Variants in ZNF493 observed in about 807,000 individuals in gnomAD.
ZNF493 encodes the protein zinc finger protein 493.
ZNF493 carries 11 observed loss-of-function variants against 12.2 expected under a neutral mutation model. The ratio of observed to expected loss-of-function variants is 0.90; its 90% CI spans 0.57 to 1.50. The LOEUF is 1.50. ZNF493 is among the 40% of genes most tolerant of loss of function. ZNF493 has a pLI of 0.00. For missense variants in ZNF493, 950 were observed against 906.6 expected, an observed-to-expected ratio of 1.05 and a Z score of -0.61; for synonymous variants, 286 against 302.6, an observed-to-expected ratio of 0.95 and a Z score of 0.57.
chr19:21,414,979 A>G (rs2030436420), intron 3 of ZNF493, among the ~76,000 whole-genome samples: 1 of 152,188 alleles, frequency 6.6e-6, no homozygotes, highest in Admixed American at 6.5e-5. Context: ...AGCTTGCTGT[A>G]TTTGTACCTT....
chr19:21,405,768 T>C lies in ZNF493; in HGVS notation c.165T>C (p.Ala55=). The change falls in exon 3 of 4, where the codon GCT becomes GCC. Residue 55 remains alanine (A), a synonymous_variant. Transcript: ENST00000392288. The part of the protein sequence containing the change: ...NYRNLVFLGI[A]VSKPDLVTCL... ...TTATTTTTAATAAAGCAGGTATTGC[T>C]GTCTCTAAGCCAGATCTGGTCACCT... is the stretch of plus-strand genomic sequence containing the variant. 6.2e-7 allele frequency: 1 copy of C among 1,610,528 alleles called. No homozygotes were observed. The highest frequency in any genetic ancestry group is 8.5e-7 in the Non-Finnish European group (1 of 1,178,688).
intron 3 of ZNF493, among the ~76,000 whole-genome samples, chr19:21,418,748 T>C (rs1005255676): frequency 1.3e-5 from 2 of 152,160 alleles, no homozygotes; most frequent in Non-Finnish European, 2.9e-5. Context: ...GTATCCCTTA[T>C]GGGAAACGAA....
At chr19:21,406,723 G>A (rs2030142697) in intron 3 of ZNF493, among the ~76,000 whole-genome samples, 1 of 151,616 alleles carries the variant, frequency 6.6e-6, no homozygotes, top group African/African-American at 2.4e-5. Flanking sequence ...AAAGTATGAT[G>A]TCCCTCTGCT....
intron 1 of ZNF493, among the ~76,000 whole-genome samples, 172 bp from the exon 2 acceptor site, chr19:21,404,957 G>A (rs2030065344): frequency 6.6e-6 from 1 of 150,750 alleles, no homozygotes; most frequent in South Asian, 2.1e-4. Flanking sequence ...CTCAGAGTTA[G>A]AGAATACATT....
chr19:21,413,163 A>C, intron 3 of ZNF493: 7 of 306,822 alleles, frequency 2.3e-5, no homozygotes, highest in East Asian at 1.1e-4. Flanking sequence ...TTTCTAAAGA[A>C]GTACATTCAT....
At chr19:21,401,876 C>A (rs898661123) in intron 1 of ZNF493, among the ~76,000 whole-genome samples, 1 of 152,030 alleles carries the variant, frequency 6.6e-6, no homozygotes, top group Non-Finnish European at 1.5e-5. Flanking sequence ...GTGATCCACT[C>A]GCCTCGGCCT....
intron 3 of ZNF493, chr19:21,408,600 A>C (rs560755234): frequency 2.0e-6 from 2 of 985,078 alleles, no homozygotes; most frequent in East Asian, 2.3e-4. Flanking sequence ...TGGTATATTA[A>C]TGTTGCATAC....
rs1363686218 is a variant in ZNF493, at chr19:21,397,136, G to GT, written c.-99dup. On this transcript the variant is annotated 5_prime_UTR_variant, in exon 1 of 4. Coordinates refer to ENST00000392288, the MANE Select transcript of ZNF493 (RefSeq NM_001076678.3). ...GCTTCCGGGATGTGGCTGGGCCATT[G>GT]TTTCTCTCTGCTGCCGGAGCTCCAG... 10 of 1,389,640 alleles carry GT rather than the reference G, an allele frequency of 7.2e-6. No homozygotes were observed. The East Asian group carries it at 1.4e-4, about 19-fold the overall frequency. The allele number at this position is 1,389,640 out of a possible 1,614,324, so 86.1% of individuals were successfully genotyped here.
Position 21,424,511 on chromosome 19 carries a change from A to T in ZNF493, c.1852A>T (p.Ile618Leu). ...KAFNRSSILS[I>L]HKKIHTGEKP... ...TTTTAACCGATCTTCAATCCTTAGT[A>T]TACATAAGAAAATTCATACTGGAGA... The change falls in exon 4 of 4, where the codon ATA (isoleucine) becomes TTA (leucine). Residue 618 changes from isoleucine (I) to leucine (L), a missense_variant. Transcript: ENST00000392288. The T allele has an allele frequency of 1.2e-6, 2 of 1,613,514 alleles. No individual in the cohort carries two copies. Among genetic ancestry groups the T allele is most frequent in the Non-Finnish European group, 1.7e-6 (2 of 1,179,754 alleles).
Position 21,422,420 on chromosome 19 carries a change from CTTCTTTATTTATTTAT to C in ZNF493, c.254-490_254-475del, listed in dbSNP as rs2030704963. 4.6e-5 allele frequency among the ~76,000 whole-genome samples: 5 copies of C among 108,184 alleles called. No homozygotes were observed. In the South Asian group the frequency reaches 1.6e-3, roughly 35 times the overall value. 71.0% of individuals were successfully genotyped at this position (108,184 alleles called of 152,430 possible). ...AACAAAATCAAAAGTTGGCAAGTTA[CTTCTTTATTTATTTAT>C]TTATTTATTTATTTATTTATTTATT... On this transcript the variant is annotated intron_variant, in intron 3 of 3. Transcript: ENST00000392288.
chr19:21,410,731 A>G (rs974506940), intron 3 of ZNF493, among the ~76,000 whole-genome samples: 1 of 151,916 alleles, frequency 6.6e-6, no homozygotes, highest in Non-Finnish European at 1.5e-5. Flanking sequence ...GCCAAGACTC[A>G]TATTATTTCT....
chr19:21,405,040 C>T, intron 1 of ZNF493, 89 bp from the exon 2 acceptor site: 5 of 1,520,344 alleles, frequency 3.3e-6, no homozygotes, highest in African/African-American at 1.4e-5. Flanking sequence ...ATTTTCTTTA[C>T]TTTCTCATTT....
intron 3 of ZNF493, chr19:21,413,618 T>C: frequency 2.4e-6 from 1 of 415,702 alleles, no homozygotes; most frequent in Non-Finnish European, 4.2e-6. Context: ...CAGAATCTCT[T>C]CCTCAGCATC....
In ZNF493 at chr19:21,425,214, A is replaced by C. The variant is rs532868743; in HGVS notation, c.*230A>C. ...ATGTGAAGAATGTGGCAAAGGCTTT[A>C]ATTAGTTCTCATCCCTTACTAAACA... On this transcript the variant is annotated 3_prime_UTR_variant, in exon 4 of 4. Transcript: ENST00000392288. 4.5e-4 allele frequency: 272 copies of C among 602,408 alleles called. 5 individuals carry two copies. In the East Asian group the frequency reaches 8.5e-3, roughly 19 times the overall value. The allele number at this position is 602,408 out of a possible 1,614,324, so 37.3% of individuals were successfully genotyped here. A position where few individuals can be genotyped will look rare whatever the true frequency, so the allele number is the denominator to read the frequency against.
Position 21,423,082 on chromosome 19 carries a change from A to T in ZNF493, c.423A>T (p.Glu141Asp). 6.2e-7 allele frequency: 1 copy of T among 1,613,776 alleles called. No individual in the cohort carries two copies. Among genetic ancestry groups the T allele is most frequent in the Non-Finnish European group, 8.5e-7 (1 of 1,179,834 alleles). ...ATGTGCACAAAGAAGGTTATAATGA[A>T]CTAAACCAGTATTTGACAACTACCC... is the stretch of plus-strand genomic sequence containing the variant. ...ECNVHKEGYN[E>D]LNQYLTTTQS... is the part of the protein sequence containing the mutation. The change falls in exon 4 of 4, where the codon GAA becomes GAT. Residue 141 changes from glutamate (E) to aspartate (D), a missense_variant. Transcript: ENST00000392288.
At chr19:21,416,096 C>G (rs1235542003) in intron 3 of ZNF493, among the ~76,000 whole-genome samples, 1 of 152,180 alleles carries the variant, frequency 6.6e-6, no homozygotes, top group Non-Finnish European at 1.5e-5. Context: ...TATTTAGCAG[C>G]CATTGTTCTA....
intron 1 of ZNF493, among the ~76,000 whole-genome samples, chr19:21,400,062 G>A (rs971065581): frequency 6.6e-6 from 1 of 152,108 alleles, no homozygotes; most frequent in African/African-American, 2.4e-5. Context: ...AATAGAATAA[G>A]ACATTTATTT....
chr19:21,406,528 C>A (rs1384746498), intron 3 of ZNF493, among the ~76,000 whole-genome samples: 1 of 152,100 alleles, frequency 6.6e-6, no homozygotes, highest in Non-Finnish European at 1.5e-5. Flanking sequence ...TTGGGGGACA[C>A]ACAAATATCT....
chr19:21,424,949 A>G lies in ZNF493; in HGVS notation c.2290A>G (p.Ile764Val), dbSNP rs1315681991. The G allele has an allele frequency of 1.2e-6, 2 of 1,600,960 alleles. No homozygotes were observed. The highest frequency in any genetic ancestry group is 1.7e-6 in the Non-Finnish European group (2 of 1,174,158). ...SHLSRHKIIH[I>V]GIHTEETVQK is the part of the protein sequence containing the mutation. ...TCTTAGTAGACATAAGATAATTCAT[A>G]TTGGAATTCATACTGAAGAGACTGT... Residue 764 changes from isoleucine (I) to valine (V), a missense_variant, in exon 4 of 4, where the codon ATT (isoleucine) becomes GTT (valine). Coordinates refer to ENST00000392288, the MANE Select transcript of ZNF493 (RefSeq NM_001076678.3).
Sources: gnomAD v4.1 joint callset for allele counts (sites outside exome capture counted in the v4.1 genomes callset) on GRCh38, gnomAD v4.1.1 for gene constraint, MANE v1.5 for transcripts, NCBI Gene and HGNC (gene_info 2026-07-23, HGNC 2026-07-21) for gene names.